Variants in RBFOX1 observed in about 807,000 individuals in gnomAD.
RBFOX1 encodes RNA binding fox-1 homolog 1.
RBFOX1 carries 8 observed loss-of-function variants against 57.7 expected under a neutral mutation model. The ratio of observed to expected loss-of-function variants is 0.14; its 90% CI spans 0.08 to 0.25. The LOEUF is 0.25. Ranked by LOEUF, RBFOX1 falls within the 10% of genes least tolerant of loss-of-function variation. RBFOX1 has a pLI of 1.00. For missense variants in RBFOX1, 611 were observed against 548.5 expected (o/e 1.11, Z -1.14); for synonymous variants, 326 against 222.4 (o/e 1.47, Z -4.15).
chr16:5,459,044 C>A (rs2068713865), intron 1 of RBFOX1, among the ~76,000 whole-genome samples: 1 of 152,196 alleles, frequency 6.6e-6, no homozygotes, highest in Non-Finnish European at 1.5e-5. Flanking sequence ...AGAGCCAGGG[C>A]AGATGCTCCC....
intron 3 of RBFOX1, among the ~76,000 whole-genome samples, chr16:6,716,791 G>A (rs531593436): frequency 5.9e-5 from 9 of 152,206 alleles, no homozygotes; most frequent in Admixed American, 5.9e-4. Flanking sequence ...GGTTGTGAAA[G>A]TAACAGGATA....
chr16:6,666,504 C>A (rs977720269), intron 3 of RBFOX1, among the ~76,000 whole-genome samples: 1 of 147,300 alleles, frequency 6.8e-6, no homozygotes, highest in Non-Finnish European at 1.5e-5. Context: ...CACACCACTG[C>A]ACTCCAGCCT....
At chr16:7,463,162 C>T (rs568456540) in intron 4 of RBFOX1, among the ~76,000 whole-genome samples, 30 of 152,230 alleles carry the variant, frequency 2.0e-4, no homozygotes, top group African/African-American at 7.0e-4. Flanking sequence ...TTGCTATGCC[C>T]TCAGATGGTA....
intron 2 of RBFOX1, among the ~76,000 whole-genome samples, chr16:6,637,056 TTA>T (rs2154067517): frequency 9.4e-6 from 1 of 106,596 alleles, no homozygotes; most frequent in South Asian, 2.6e-4. Context: ...ATAAACATAT[TTA>T]TATGTATAAA....
intron 3 of RBFOX1, among the ~76,000 whole-genome samples, chr16:5,726,436 A>G (rs1199083414): frequency 6.6e-6 from 1 of 152,114 alleles, no homozygotes; most frequent in East Asian, 1.9e-4. Context: ...CTCCATTGCC[A>G]AGGTCGCCAC....
At chr16:7,543,658 G>A (rs1003869324) in intron 5 of RBFOX1, among the ~76,000 whole-genome samples, 6 of 150,386 alleles carry the variant, frequency 4.0e-5, no homozygotes, top group African/African-American at 1.5e-4. Flanking sequence ...GCACCATGCT[G>A]GGCAGTATCT....
chr16:6,621,895 A>G (rs1444623250), intron 2 of RBFOX1, among the ~76,000 whole-genome samples: 1 of 152,180 alleles, frequency 6.6e-6, no homozygotes, highest in Non-Finnish European at 1.5e-5. Context: ...AGTGGATGAC[A>G]TGATTTAAAA....
chr16:7,572,104 G>A (rs1288677710), intron 5 of RBFOX1, among the ~76,000 whole-genome samples: 1 of 152,154 alleles, frequency 6.6e-6, no homozygotes, highest in African/African-American at 2.4e-5. Context: ...TCCAGCCTGG[G>A]TGACAGAGTG....
intron 3 of RBFOX1, chr16:5,632,429 A>T (rs532333757): frequency 1.3e-5 from 2 of 152,360 alleles, no homozygotes; most frequent in South Asian, 4.1e-4. Flanking sequence ...GTGAGAATCA[A>T]ATTAAGCAGA....
intron 4 of RBFOX1, among the ~76,000 whole-genome samples, chr16:5,896,078 G>A (rs1056936906): frequency 2.0e-5 from 3 of 152,096 alleles, no homozygotes; most frequent in African/African-American, 4.8e-5. Context: ...ATTTATTGGG[G>A]AAGTGCCGTC....
At position 7,448,150 on chromosome 16, in the gene RBFOX1, C is replaced by G. The variant is rs1195976540; in HGVS notation, c.28-69997C>G. 1.2e-4 allele frequency among the ~76,000 whole-genome samples: 18 copies of G among 152,314 alleles called. No homozygotes were observed. In the Middle Eastern group the frequency reaches 0.017, roughly 144 times the overall value. Reference sequence around the variant, plus strand: ...GGCAGCTGCCAAGTGTATTAATTTCCTACCCCTTCCATAGCAAATTACTGC... The same window carrying G: ...GGCAGCTGCCAAGTGTATTAATTTCGTACCCCTTCCATAGCAAATTACTGC... On this transcript the variant is annotated intron_variant, in intron 4 of 15. Coordinates refer to ENST00000550418, the MANE Select transcript of RBFOX1 (RefSeq NM_018723.4).
intron 4 of RBFOX1, among the ~76,000 whole-genome samples, chr16:7,125,069 A>C (rs368270073): frequency 4.6e-5 from 7 of 152,114 alleles, no homozygotes; most frequent in South Asian, 4.1e-4. Context: ...TGAAGAGAGC[A>C]CTCTGTCAAA....
chr16:7,505,996 T>G (rs2073139370), intron 4 of RBFOX1, among the ~76,000 whole-genome samples: 2 of 151,806 alleles, frequency 1.3e-5, no homozygotes, highest in African/African-American at 4.8e-5. Flanking sequence ...CCATCCTGTC[T>G]AACATGGTGA....
At chr16:6,950,863 TTG>T (rs2080582516) in intron 3 of RBFOX1, among the ~76,000 whole-genome samples, 4 of 151,920 alleles carry the variant, frequency 2.6e-5, no homozygotes, top group Admixed American at 2.6e-4. Context: ...TTCTCTGTTT[TTG>T]TCTCTCTTTC....
chr16:6,221,369 G>T (rs2097372162), intron 1 of RBFOX1, among the ~76,000 whole-genome samples: 1 of 152,028 alleles, frequency 6.6e-6, no homozygotes, highest in Non-Finnish European at 1.5e-5. Flanking sequence ...TTAATCTCTG[G>T]GTTCATCTTC....
chr16:6,257,067 A>T (rs989059842), intron 1 of RBFOX1, among the ~76,000 whole-genome samples: 19 of 152,008 alleles, frequency 1.2e-4, no homozygotes, highest in African/African-American at 4.3e-4. Context: ...TCATTTTTTG[A>T]TGTATTTTAT....
At chr16:6,713,904 A>G (rs565577492) in intron 3 of RBFOX1, among the ~76,000 whole-genome samples, 1 of 152,324 alleles carries the variant, frequency 6.6e-6, no homozygotes, top group East Asian at 1.9e-4. Context: ...GGAAGATATC[A>G]TCCTTTTCTC....
intron 4 of RBFOX1, among the ~76,000 whole-genome samples, chr16:7,053,054 C>T (rs561251318): frequency 2.0e-5 from 3 of 152,166 alleles, no homozygotes; most frequent in Admixed American, 2.0e-4. Context: ...ATTTAACAGG[C>T]CTAATGCCTT....
At chr16:6,334,857 T>G (rs2152813483) in intron 2 of RBFOX1, among the ~76,000 whole-genome samples, 1 of 152,194 alleles carries the variant, frequency 6.6e-6, no homozygotes, top group East Asian at 1.9e-4. Context: ...CAGAAGAAAC[T>G]TTTCCCCTGT....
Sources: allele counts gnomAD v4.1 joint callset (sites outside exome capture counted in the v4.1 genomes callset), GRCh38; gene constraint gnomAD v4.1.1; transcripts MANE v1.5; gene names NCBI Gene and HGNC (gene_info 2026-07-23, HGNC 2026-07-21).